The following CPED1 variants were observed in gnomAD, a reference collection of about 807,000 sequenced individuals.
CPED1 encodes cadherin-like and PC-esterase domain-containing protein 1.
In CPED1, 114 loss-of-function variants were observed where a neutral mutation model predicts 128.2. The ratio of observed to expected loss-of-function variants is 0.89; its 90% CI spans 0.76 to 1.04. The LOEUF (loss-of-function observed/expected upper bound fraction) is 1.04. CPED1 is among the 50% of genes least tolerant of loss of function. The pLI, the probability that CPED1 is intolerant of heterozygous loss-of-function variation, is 0.00. For missense variants in CPED1, 1,211 were observed against 1,207.1 expected, an observed-to-expected ratio of 1.00 and a Z score of -0.05; for synonymous variants, 462 against 426.7, an observed-to-expected ratio of 1.08 and a Z score of -1.02.
intron 7 of CPED1, among the ~76,000 whole-genome samples, chr7:121,102,811 A>G (rs774490414): frequency 4.0e-5 from 6 of 151,546 alleles, no homozygotes; most frequent in Admixed American, 6.6e-5. Context: ...CCCTCCCCCA[A>G]CTCCACTTAT....
chr7:121,293,623 G>T (rs1792758975), intron 22 of CPED1, among the ~76,000 whole-genome samples: 1 of 152,272 alleles, frequency 6.6e-6, no homozygotes, highest in East Asian at 1.9e-4. Context: ...TTGAAACCCA[G>T]GGCCCTGGTG....
At chr7:121,154,200 C>T (rs1230838398) in intron 16 of CPED1, among the ~76,000 whole-genome samples, 2 of 152,222 alleles carry the variant, frequency 1.3e-5, no homozygotes, top group Non-Finnish European at 2.9e-5. Flanking sequence ...TGACACTAAT[C>T]ATCTCCATAT....
At chr7:121,047,686 TTCTTCTTCTTCTTCTTCTTCTTCTTCTTC>T (rs1188177340) in intron 4 of CPED1, among the ~76,000 whole-genome samples, 2 of 100,854 alleles carry the variant, frequency 2.0e-5, no homozygotes, top group South Asian at 3.1e-4. Flanking sequence ...CTTCTTCTTC[TTCTTCTTCTTCTTCTTCTTCTTCTTCTTC>T]TTTTTTTTTT....
At chr7:121,084,730 C>A (rs1201702317) in intron 5 of CPED1, among the ~76,000 whole-genome samples, 1 of 152,208 alleles carries the variant, frequency 6.6e-6, no homozygotes, top group Non-Finnish European at 1.5e-5. Context: ...TAATTACCAA[C>A]TGGCTTTTCA....
At chr7:121,098,756 A>AT (rs1794761713) in intron 6 of CPED1, among the ~76,000 whole-genome samples, 1 of 51,122 alleles carries the variant, frequency 2.0e-5, no homozygotes, top group African/African-American at 7.0e-5. Flanking sequence ...AAATATATAA[A>AT]AATATATATA....
intron 11 of CPED1, among the ~76,000 whole-genome samples, chr7:121,129,306 TATATAC>T (rs1795596238): frequency 2.4e-4 from 1 of 4,168 alleles, no homozygotes; most frequent in East Asian, 0.05. Context: ...TATATATATA[TATATAC>T]GTATATATAT....
chr7:121,285,103 A>C (rs966725431), intron 22 of CPED1, among the ~76,000 whole-genome samples: 1 of 152,096 alleles, frequency 6.6e-6, no homozygotes, highest in Non-Finnish European at 1.5e-5. Flanking sequence ...TCTTCTGTAC[A>C]CCCGCAGGTC....
intron 22 of CPED1, among the ~76,000 whole-genome samples, chr7:121,276,229 T>C (rs1792326483): frequency 6.6e-6 from 1 of 152,118 alleles, no homozygotes; most frequent in Non-Finnish European, 1.5e-5. Flanking sequence ...TCCTCCCCTC[T>C]GGTATTCCCT....
intron 5 of CPED1, among the ~76,000 whole-genome samples, chr7:121,066,592 G>A (rs895890686): frequency 1.0e-5 from 1 of 99,790 alleles, no homozygotes; most frequent in East Asian, 3.5e-4. Context: ...TTATCTTTCG[G>A]TCAAAAACTG....
At chr7:121,205,507 GTGTTGTTTT>G (rs1219572392) in intron 16 of CPED1, among the ~76,000 whole-genome samples, 1 of 151,924 alleles carries the variant, frequency 6.6e-6, no homozygotes, top group East Asian at 1.9e-4. Context: ...GAGGTTTCTA[GTGTTGTTTT>G]TGTTGTTTTT....
chr7:121,011,788 A>G (rs916920917), intron 2 of CPED1, among the ~76,000 whole-genome samples: 3 of 152,222 alleles, frequency 2.0e-5, no homozygotes, highest in Non-Finnish European at 4.4e-5. Flanking sequence ...AGGAAAACAT[A>G]TATCAGGTAT....
At chr7:121,222,304 C>T (rs1195540222) in intron 16 of CPED1, among the ~76,000 whole-genome samples, 1 of 152,086 alleles carries the variant, frequency 6.6e-6, no homozygotes, top group South Asian at 2.1e-4. Context: ...TGTTCTGTTC[C>T]ACTGGTCTAT....
At chr7:121,107,475 G>A (rs113552760) in intron 7 of CPED1, among the ~76,000 whole-genome samples, 5 of 152,188 alleles carry the variant, frequency 3.3e-5, no homozygotes, top group Non-Finnish European at 5.9e-5. Flanking sequence ...GCCTGGCATA[G>A]TAGCTAATAT....
intron 10 of CPED1, 30 bp downstream of exon 10, chr7:121,127,287 T>A: frequency 7.3e-7 from 1 of 1,364,534 alleles, no homozygotes. Flanking sequence ...CTGATAAATA[T>A]TTTTTCAAGT....
At chr7:121,054,737 AT>A (rs1793450769) in intron 4 of CPED1, among the ~76,000 whole-genome samples, 1 of 151,902 alleles carries the variant, frequency 6.6e-6, no homozygotes, top group Non-Finnish European at 1.5e-5. Flanking sequence ...GTTTTGACAA[AT>A]GCATAGTTAT....
intron 3 of CPED1, among the ~76,000 whole-genome samples, chr7:121,019,456 T>G (rs1012315021): frequency 6.6e-6 from 1 of 152,046 alleles, no homozygotes; most frequent in Non-Finnish European, 1.5e-5. Flanking sequence ...GGATTTTACA[T>G]GTTAAAAACA....
At chr7:121,228,771 A>C (rs886616260) in intron 16 of CPED1, among the ~76,000 whole-genome samples, 1 of 152,074 alleles carries the variant, frequency 6.6e-6, no homozygotes, top group Admixed American at 6.6e-5. Flanking sequence ...ATGGATAAAG[A>C]AAATGTGGAA....
rs141208382 is a variant in CPED1, at chr7:121,003,092, T to C, written c.250-12573T>C. Among the ~76,000 whole-genome samples the C allele has an allele frequency of 3.2e-3, 492 of 152,326 alleles. 2 individuals are homozygous for C. The highest frequency in any genetic ancestry group is 0.011 in the African/African-American group (469 of 41,570). ...GTGTAAGTTCATTGCGTATTCAGTA[T>C]AGAACTCTCTGTGGTGGTCAGCAGT... On this transcript the variant is annotated intron_variant, in intron 2 of 22. Coordinates refer to ENST00000310396, the MANE Select transcript of CPED1 (RefSeq NM_024913.5).
At chr7:121,233,076 A>G (rs894332683) in intron 16 of CPED1, among the ~76,000 whole-genome samples, 4 of 152,132 alleles carry the variant, frequency 2.6e-5, no homozygotes, top group African/African-American at 9.7e-5. Context: ...AAAAACCAAG[A>G]ACATCATAAT....
Sources: gnomAD v4.1 joint callset for allele counts (sites outside exome capture counted in the v4.1 genomes callset) on GRCh38, gnomAD v4.1.1 for gene constraint, MANE v1.5 for transcripts, NCBI Gene and HGNC (gene_info 2026-07-23, HGNC 2026-07-21) for gene names.